The following PDE1C variants were observed in gnomAD, a reference collection of about 807,000 sequenced individuals.
The protein encoded by PDE1C is dual specificity calcium/calmodulin-dependent 3',5'-cyclic nucleotide phosphodiesterase 1C.
Under a neutral mutation model 93.1 loss-of-function variants are expected in PDE1C, and 62 were observed. The ratio of observed to expected loss-of-function variants is 0.67; its 90% CI spans 0.54 to 0.82. PDE1C has a LOEUF of 0.82. Ranked by LOEUF, PDE1C falls within the 40% of genes least tolerant of loss-of-function variation. PDE1C has a pLI of 0.00. For missense variants in PDE1C, 742 were observed against 884.6 expected (o/e 0.84, Z 2.04); for synonymous variants, 325 against 310.1 (o/e 1.05, Z -0.50).
intron 1 of PDE1C, among the ~76,000 whole-genome samples, chr7:32,421,806 T>A (rs762543024): frequency 1.3e-5 from 2 of 152,334 alleles, no homozygotes; most frequent in Admixed American, 6.5e-5. Context: ...TTAAAGAGGC[T>A]GTCTAGGGGC....
At chr7:32,094,780 T>C (rs916720735) in intron 3 of PDE1C, among the ~76,000 whole-genome samples, 1 of 152,174 alleles carries the variant, frequency 6.6e-6, no homozygotes, top group African/African-American at 2.4e-5. Context: ...CCCAGATACA[T>C]AGCATGGCAC....
the PDE1C span, among the ~76,000 whole-genome samples, chr7:31,729,394 C>A: frequency 6.6e-6 from 1 of 152,230 alleles, no homozygotes; most frequent in Non-Finnish European, 1.5e-5. Context: ...ATAGCACAAG[C>A]CTGAAGAGGG....
At chr7:32,009,225 T>G (rs1786724785) in intron 2 of PDE1C, among the ~76,000 whole-genome samples, 1 of 152,138 alleles carries the variant, frequency 6.6e-6, no homozygotes, top group South Asian at 2.1e-4. Flanking sequence ...GCTTACTGCC[T>G]TGGGAAGGTT....
At chr7:31,642,797 A>G in the PDE1C span, 1 of 1,614,004 alleles carries the variant, frequency 6.2e-7, no homozygotes, top group Non-Finnish European at 8.5e-7. Flanking sequence ...GATGGGCCAG[A>G]TTCCAAAAGT....
chr7:31,632,750 G>A, the PDE1C span, among the ~76,000 whole-genome samples: 1 of 152,070 alleles, frequency 6.6e-6, no homozygotes, highest in African/African-American at 2.4e-5. Flanking sequence ...AGCCCAGCTG[G>A]GTGACAGGTT....
chr7:32,274,641 A>G (rs974036380), intron 1 of PDE1C, among the ~76,000 whole-genome samples: 9 of 152,152 alleles, frequency 5.9e-5, no homozygotes, highest in African/African-American at 2.2e-4. Context: ...TTCAGCATCC[A>G]TTGTATTTCT....
chr7:32,095,855 G>A (rs536033223), intron 3 of PDE1C, among the ~76,000 whole-genome samples: 12 of 152,064 alleles, frequency 7.9e-5, no homozygotes, highest in Non-Finnish European at 1.8e-4. Flanking sequence ...ATAGGCAGTC[G>A]ACTTACAGAA....
In PDE1C at chr7:32,051,616, G is replaced by T. The variant is rs1480038922; in HGVS notation, c.102-36C>A. On this transcript the variant is annotated intron_variant, in intron 1 of 17. Transcript: ENST00000396191. ...AGGCATAAACATATATCAGAAAAGGGTTGTGGCAGGCAGTGGGTAAGAAAG... is the reference window on the plus strand; with the variant it reads ...AGGCATAAACATATATCAGAAAAGGTTTGTGGCAGGCAGTGGGTAAGAAAG... 3 of 1,600,704 alleles carry T rather than the reference G, an allele frequency of 1.9e-6. No homozygotes were observed. The South Asian group carries it at 3.3e-5, about 18-fold the overall frequency.
At chr7:32,407,119 CA>C in intron 1 of PDE1C, among the ~76,000 whole-genome samples, 1 of 152,132 alleles carries the variant, frequency 6.6e-6, no homozygotes, top group South Asian at 2.1e-4. Flanking sequence ...ACTAAAAATG[CA>C]AAAAATTATC....
intron 15 of PDE1C, among the ~76,000 whole-genome samples, chr7:31,815,098 C>A (rs1157813306): frequency 6.6e-6 from 1 of 152,088 alleles, no homozygotes; most frequent in Non-Finnish European, 1.5e-5. Context: ...CCTCTTGAAG[C>A]CTACTCTGAC....
intron 7 of PDE1C, among the ~76,000 whole-genome samples, chr7:31,860,054 T>C (rs767158751): frequency 5.3e-5 from 8 of 152,184 alleles, no homozygotes; most frequent in Non-Finnish European, 1.2e-4. Flanking sequence ...CACTTGGAAG[T>C]GCTGGAGGAT....
intron 2 of PDE1C, among the ~76,000 whole-genome samples, chr7:31,967,081 C>G (rs1810108524): frequency 6.6e-6 from 1 of 152,148 alleles, no homozygotes; most frequent in South Asian, 2.1e-4. Flanking sequence ...TATTCAAAAG[C>G]TAGCAGAAGG....
intron 1 of PDE1C, among the ~76,000 whole-genome samples, chr7:32,384,889 A>G (rs980082785): frequency 3.9e-5 from 6 of 152,192 alleles, no homozygotes; most frequent in Non-Finnish European, 5.9e-5. Context: ...CATGATGCCA[A>G]TGGTGCTGGT....
intron 16 of PDE1C, among the ~76,000 whole-genome samples, chr7:31,776,550 T>A (rs960128795): frequency 6.6e-6 from 1 of 151,504 alleles, no homozygotes; most frequent in Non-Finnish European, 1.5e-5. Flanking sequence ...AACTGAGAGG[T>A]CCTGCCAAAA....
downstream of PDE1C, among the ~76,000 whole-genome samples, chr7:31,749,752 A>T (rs7787078): frequency 0.91 from 129,886 of 142,512 alleles, 59,856 homozygotes; most frequent in Non-Finnish European, 0.98. Context: ...TTTTTTTTTT[A>T]TTTGAGACAG....
intron 1 of PDE1C, among the ~76,000 whole-genome samples, chr7:32,211,848 C>A (rs570224629): frequency 6.7e-4 from 101 of 150,814 alleles, no homozygotes; most frequent in Non-Finnish European, 1.2e-3. Context: ...ATAGTGAGAC[C>A]CTGTCTCCAC....
At chr7:31,622,346 G>C in the PDE1C span, among the ~76,000 whole-genome samples, 5 of 151,978 alleles carry the variant, frequency 3.3e-5, no homozygotes, top group African/African-American at 4.8e-5. Flanking sequence ...AAATTGACCA[G>C]ATAGTTGGAA....
chr7:31,870,261 T>A (rs565991329), intron 6 of PDE1C, among the ~76,000 whole-genome samples: 58 of 151,832 alleles, frequency 3.8e-4, no homozygotes, highest in African/African-American at 1.3e-3. Flanking sequence ...CAGAGCAGAA[T>A]TAAATGAAAT....
chr7:31,835,525 GGTGTGT>G lies in PDE1C; in HGVS notation c.1203+1649_1203+1654del, dbSNP rs58539780. On this transcript the variant is annotated intron_variant, in intron 11 of 17. Coordinates refer to ENST00000396191, the MANE Select transcript of PDE1C (RefSeq NM_001191057.4). The stretch of plus-strand genomic sequence containing the variant: ...ACATATAATAGCTGGGGGGTGCTGC[GGTGTGT>G]GTGTGTGTGTGTGTGTGTGTGTGTG... 1.9e-3 allele frequency among the ~76,000 whole-genome samples: 273 copies of G among 146,952 alleles called. 1 individual carries two copies. Among genetic ancestry groups the G allele is most frequent in the African/African-American group, 4.8e-3 (192 of 40,048 alleles).
Sources: gnomAD v4.1 joint callset for allele counts (sites outside exome capture counted in the v4.1 genomes callset) on GRCh38, gnomAD v4.1.1 for gene constraint, MANE v1.5 for transcripts, NCBI Gene and HGNC (gene_info 2026-07-23, HGNC 2026-07-21) for gene names.